GNAS: variants seen among roughly 807,000 people sequenced by gnomAD.
The protein encoded by GNAS is protein ALEX.
GNAS carries 8 observed loss-of-function variants against 54.5 expected under a neutral mutation model. The observed-to-expected ratio is 0.15, with a 90% CI of 0.09 to 0.26. The LOEUF (loss-of-function observed/expected upper bound fraction) is 0.26. Among genes scored for constraint, GNAS ranks in the 10% least tolerant of loss-of-function variants. The pLI, the probability that GNAS is intolerant of heterozygous loss-of-function variation, is 1.00. For missense variants in GNAS, 170 were observed against 529.8 expected, an observed-to-expected ratio of 0.32 and a Z score of 6.67; for synonymous variants, 204 against 191.4, an observed-to-expected ratio of 1.07 and a Z score of -0.54.
intron 1 of GNAS, among the ~76,000 whole-genome samples, chr20:58,878,627 A>G (rs2087996832): frequency 1.3e-5 from 2 of 152,132 alleles, no homozygotes; most frequent in Admixed American, 6.5e-5. Flanking sequence ...TGGAAATACA[A>G]ATTTGCTCCT....
chr20:58,887,015 A>G (rs185727343), upstream of GNAS, among the ~76,000 whole-genome samples: 1 of 152,338 alleles, frequency 6.6e-6, no homozygotes, highest in Admixed American at 6.5e-5. Context: ...AATAGTCCCA[A>G]TTGTGCCTTG....
chr20:58,852,508 G>A (rs2086220716), intron 1 of GNAS, among the ~76,000 whole-genome samples: 1 of 152,320 alleles, frequency 6.6e-6, no homozygotes, highest in African/African-American at 2.4e-5. Flanking sequence ...ATCCGGGGCT[G>A]CCTGGAGGCT....
chr20:58,878,871 G>T (rs2088015374), intron 1 of GNAS, among the ~76,000 whole-genome samples: 1 of 133,906 alleles, frequency 7.5e-6, no homozygotes, highest in Non-Finnish European at 1.6e-5. Flanking sequence ...ATTTTAGAAA[G>T]AGTTTTAATG....
chr20:58,840,335 CCT>C (rs1441984599), upstream of GNAS: 2 of 1,613,012 alleles, frequency 1.2e-6, no homozygotes, highest in South Asian at 1.1e-5. The surrounding 1 kb of genome is among the most constrained non-coding windows in gnomAD (Gnocchi z 6.0). Context: ...CCAGGTATTC[CCT>C]GAGTCCCCCG....
At chr20:58,855,061 G>C (rs776888163) in intron 1 of GNAS, 45 of 1,612,972 alleles carry the variant, frequency 2.8e-5, no homozygotes, top group Non-Finnish European at 3.8e-5. Flanking sequence ...CGAAATCGCC[G>C]CCGCCGAAAG....
chr20:58,856,041 G>A lies in GNAS; in HGVS notation c.43+15155G>A. ...CGGGGAAGGTGGCGGGGCCTCCCGGGAAATAAGCGGGGCCCTTGGCCTGGG... is the reference window on the plus strand; with the variant it reads ...CGGGGAAGGTGGCGGGGCCTCCCGGAAAATAAGCGGGGCCCTTGGCCTGGG... On this transcript the variant is annotated intron_variant, in intron 1 of 12. Transcript: ENST00000306090. This position sits in a 1 kb window ranked among gnomAD's most constrained non-coding sequence, Gnocchi z 4.2. 1 of 199,844 alleles carries A rather than the reference G, an allele frequency of 5.0e-6. No individual in the cohort carries two copies. Among genetic ancestry groups the A allele is most frequent in the Non-Finnish European group, 1.0e-5 (1 of 97,554 alleles). 12.4% of individuals were successfully genotyped at this position (199,844 alleles called of 1,614,324 possible). A position where few individuals can be genotyped will look rare whatever the true frequency, so the allele number is the denominator to read the frequency against.
At chr20:58,896,055 C>T (rs2090018202) in intron 2 of GNAS, among the ~76,000 whole-genome samples, 4 of 152,134 alleles carry the variant, frequency 2.6e-5, no homozygotes, top group South Asian at 2.1e-4. Context: ...TGGCTTTGGC[C>T]GCCCCCTCGT....
rs61749696 is a variant in GNAS, at chr20:58,853,893, G to T, written c.43+13007G>T. ...GCCCCAAGCCCTCAGGCCTGCAAAG[G>T]CTGGCTCCAGAGGAGGCTACAGCCC... On this transcript the variant is annotated intron_variant, in intron 1 of 12. Transcript: ENST00000306090. The surrounding 1 kb of genome is among the most constrained non-coding windows in gnomAD (Gnocchi z 4.4). 107 of 1,601,380 alleles carry T rather than the reference G, an allele frequency of 6.7e-5. No individual in the cohort carries two copies. The African/African-American group carries it at 9.6e-4, about 14-fold the overall frequency.
At chr20:58,878,690 G>A (rs2088002607) in intron 1 of GNAS, among the ~76,000 whole-genome samples, 1 of 152,088 alleles carries the variant, frequency 6.6e-6, no homozygotes, top group Non-Finnish European at 1.5e-5. Flanking sequence ...ACAGTGATCT[G>A]GCTGATTTTA....
intron 1 of GNAS, chr20:58,854,796 C>A (rs750941335): frequency 6.3e-7 from 1 of 1,578,786 alleles, no homozygotes; most frequent in South Asian, 1.1e-5. Context: ...AGCCCAAGTC[C>A]GCCGGGCGGC....
intron 1 of GNAS, chr20:58,850,933 G>C: frequency 5.0e-6 from 2 of 398,650 alleles, no homozygotes; most frequent in Non-Finnish European, 8.8e-6. Flanking sequence ...CCGGTTTCCG[G>C]TCTGACGCCC....
intron 1 of GNAS, among the ~76,000 whole-genome samples, chr20:58,893,625 T>C (rs1254588538): frequency 6.6e-6 from 1 of 152,244 alleles, no homozygotes; most frequent in East Asian, 1.9e-4. Context: ...TCAAAATAAG[T>C]GTCTTTGGTG....
At chr20:58,879,441 T>C (rs1278643595) in intron 1 of GNAS, among the ~76,000 whole-genome samples, 1 of 152,232 alleles carries the variant, frequency 6.6e-6, no homozygotes, top group Non-Finnish European at 1.5e-5. Context: ...GGGACCTTTT[T>C]GACTTGGGTT....
chr20:58,842,013 G>C (rs1440516876), intron 1 of GNAS: 2 of 846,910 alleles, frequency 2.4e-6, no homozygotes, highest in Admixed American at 8.6e-5. Flanking sequence ...TGGACGATCA[G>C]TCGTCGAAAA....
intron 1 of GNAS, among the ~76,000 whole-genome samples, chr20:58,847,985 A>T (rs2086000480): frequency 6.6e-6 from 1 of 152,230 alleles, no homozygotes; most frequent in Non-Finnish European, 1.5e-5. Flanking sequence ...GCTTCCAAGG[A>T]ACGGGGCTGT....
At chr20:58,901,316 T>G (rs1427710191) in intron 3 of GNAS, among the ~76,000 whole-genome samples, 2 of 152,192 alleles carry the variant, frequency 1.3e-5, no homozygotes, top group Non-Finnish European at 2.9e-5. Context: ...GGATTCTTAA[T>G]TTCAGAAATG....
At chr20:58,850,893 G>A (rs908563159) in intron 1 of GNAS, 5 of 398,634 alleles carry the variant, frequency 1.3e-5, no homozygotes, top group African/African-American at 1.0e-4. Context: ...GTTCCAACGC[G>A]GCGCCCCCTA....
Position 58,873,989 on chromosome 20 carries a change from C to T in GNAS, c.44-21623C>T, listed in dbSNP as rs1008381423. Among the ~76,000 whole-genome samples the T allele has an allele frequency of 6.6e-6, 1 of 152,242 alleles. No individual in the cohort carries two copies. The highest frequency in any genetic ancestry group is 2.4e-5 in the African/African-American group (1 of 41,466). On this transcript the variant is annotated intron_variant, in intron 1 of 12. Coordinates refer to the GNAS transcript ENST00000306090. The surrounding 1 kb of genome is among the most constrained non-coding windows in gnomAD (Gnocchi z 4.3). ...AGTGTCATGAGTGCTGATAATTAAA[C>T]TGCAGAAAACCTAGAAGGATCTGCT...
intron 1 of GNAS, among the ~76,000 whole-genome samples, chr20:58,870,599 CTGTCT>C (rs1431506031): frequency 3.3e-5 from 5 of 152,342 alleles, no homozygotes; most frequent in Middle Eastern, 3.4e-3. Flanking sequence ...GGCTCTCATC[CTGTCT>C]TGGGTCCCGG....
Sources: allele counts gnomAD v4.1 joint callset (sites outside exome capture counted in the v4.1 genomes callset), GRCh38; gene constraint gnomAD v4.1.1; non-coding constraint Gnocchi (gnomAD v3.1); transcripts MANE v1.5; gene names NCBI Gene and HGNC (gene_info 2026-07-23, HGNC 2026-07-21).